C1orf198: variants seen among roughly 807,000 people sequenced by gnomAD.
C1orf198 encodes the protein chromosome 1 open reading frame 198.
In C1orf198, 17 loss-of-function variants were observed where a neutral mutation model predicts 31.4. The ratio of observed to expected loss-of-function variants is 0.54; its 90% CI spans 0.37 to 0.81. The LOEUF (loss-of-function observed/expected upper bound fraction) is 0.81. Among genes scored for constraint, C1orf198 ranks in the 40% least tolerant of loss-of-function variants. The pLI is 0.00. For synonymous variants in C1orf198, 175 were observed against 193.8 expected (o/e 0.90, Z 0.81); for missense variants, 401 against 450.3 (o/e 0.89, Z 0.99).
intron 3 of C1orf198, among the ~76,000 whole-genome samples, chr1:230,841,615 C>T (rs1669443592): frequency 6.6e-6 from 1 of 152,186 alleles, no homozygotes; most frequent in Non-Finnish European, 1.5e-5. Flanking sequence ...TCGCATGGCA[C>T]CAGCAAAGAC....
At chr1:230,849,377 G>A (rs912416749) in intron 2 of C1orf198, among the ~76,000 whole-genome samples, 1 of 152,196 alleles carries the variant, frequency 6.6e-6, no homozygotes, top group African/African-American at 2.4e-5. Flanking sequence ...CCGGGGTTTG[G>A]GGATGCAACT....
chr1:230,841,687 A>G (rs1669446795), intron 3 of C1orf198, among the ~76,000 whole-genome samples: 5 of 152,256 alleles, frequency 3.3e-5, no homozygotes, highest in Admixed American at 3.3e-4. Flanking sequence ...ATGGGAATGT[A>G]AAATGACGCA....
intron 1 of C1orf198, 44 bp from the exon 2 acceptor site, chr1:230,855,762 C>T (rs1669855211): frequency 1.4e-5 from 22 of 1,607,606 alleles, no homozygotes; most frequent in Non-Finnish European, 1.8e-5. Flanking sequence ...CAAACCCAGA[C>T]ATACCCCATG....
Position 230,839,809 on chromosome 1 carries a change from G to T in C1orf198, c.*43C>A. ...TTATCCTCCTCCACCACACCACTTT[G>T]GAAAACATTTTAGGGTTCTTCATTG... On this transcript the variant is annotated 3_prime_UTR_variant, in exon 4 of 4. Coordinates refer to ENST00000366663, the MANE Select transcript of C1orf198 (RefSeq NM_032800.3). The T allele has an allele frequency of 6.4e-7, 1 of 1,574,536 alleles. No homozygotes were observed. The highest frequency in any genetic ancestry group is 1.1e-5 in the South Asian group (1 of 87,300).
intron 3 of C1orf198, among the ~76,000 whole-genome samples, chr1:230,841,695 G>A (rs561887464): frequency 1.1e-4 from 17 of 152,184 alleles, no homozygotes; most frequent in Non-Finnish European, 2.1e-4. Context: ...GTAAAATGAC[G>A]CAGCTGCTGT....
intron 1 of C1orf198, among the ~76,000 whole-genome samples, chr1:230,862,782 A>T (rs1670029723): frequency 6.6e-6 from 1 of 152,214 alleles, no homozygotes; most frequent in Non-Finnish European, 1.5e-5. Context: ...TATTATAGTG[A>T]TGGGTACATG....
intron 2 of C1orf198, among the ~76,000 whole-genome samples, chr1:230,854,267 T>C (rs1669815946): frequency 6.6e-6 from 1 of 152,180 alleles, no homozygotes; most frequent in Non-Finnish European, 1.5e-5. Flanking sequence ...ATCTGGCTAT[T>C]ACCACTAGAT....
chr1:230,866,121 G>A (rs746166087), intron 1 of C1orf198, among the ~76,000 whole-genome samples: 2 of 152,196 alleles, frequency 1.3e-5, no homozygotes, highest in Admixed American at 6.5e-5. Context: ...GTGCCCAGGA[G>A]CTGGCCCTCC....
intron 1 of C1orf198, among the ~76,000 whole-genome samples, chr1:230,858,853 C>T (rs1669939424): frequency 6.6e-6 from 1 of 152,216 alleles, no homozygotes. Flanking sequence ...GGAACGAAGA[C>T]TTAGCCCAGA....
chr1:230,852,240 T>C (rs1305275425), intron 2 of C1orf198, among the ~76,000 whole-genome samples: 1 of 152,174 alleles, frequency 6.6e-6, no homozygotes, highest in Non-Finnish European at 1.5e-5. Flanking sequence ...GTCCACTCAC[T>C]GAGCTGTTGT....
At chr1:230,842,155 G>A (rs537880243) in intron 3 of C1orf198, among the ~76,000 whole-genome samples, 1 of 152,198 alleles carries the variant, frequency 6.6e-6, no homozygotes, top group Non-Finnish European at 1.5e-5. Context: ...AGTTAGTGTT[G>A]AACGGGTCCA....
At chr1:230,859,606 G>C (rs12078789) in intron 1 of C1orf198, among the ~76,000 whole-genome samples, 51,056 of 151,892 alleles carry the variant, frequency 0.34, 8,884 homozygotes, top group Admixed American at 0.43. Flanking sequence ...AAGCAGGGGG[G>C]AAGCTATAGA....
chr1:230,860,504 C>T (rs540190047), intron 1 of C1orf198, among the ~76,000 whole-genome samples: 1 of 152,316 alleles, frequency 6.6e-6, no homozygotes, highest in Admixed American at 6.5e-5. Context: ...GTGGTCTATC[C>T]ATCCAATGGA....
rs1336079436 is a variant in C1orf198, at chr1:230,840,456, C to T, written c.928-548G>A. Among the ~76,000 whole-genome samples the T allele has an allele frequency of 3.3e-5, 5 of 152,222 alleles. No homozygotes were observed. The highest frequency in any genetic ancestry group is 6.5e-5 in the Admixed American group (1 of 15,284). On this transcript the variant is annotated intron_variant, in intron 3 of 3. Coordinates refer to ENST00000366663, the MANE Select transcript of C1orf198 (RefSeq NM_032800.3). The surrounding 1 kb of genome is among the most constrained non-coding windows in gnomAD (Gnocchi z 4.0). Reference sequence around the variant, plus strand: ...CGGGGCTCAAGCGATCCTCTTGCCTCGGCCTCCCACGTAGCTGGGACTACA... The same window carrying T: ...CGGGGCTCAAGCGATCCTCTTGCCTTGGCCTCCCACGTAGCTGGGACTACA...
At chr1:230,841,778 G>A (rs1201408523) in intron 3 of C1orf198, among the ~76,000 whole-genome samples, 1 of 152,212 alleles carries the variant, frequency 6.6e-6, no homozygotes, top group Non-Finnish European at 1.5e-5. Context: ...CTACATCTGG[G>A]TATGCACCCA....
intron 2 of C1orf198, among the ~76,000 whole-genome samples, chr1:230,847,842 A>G (rs185105132): frequency 4.5e-3 from 684 of 152,340 alleles, no homozygotes; most frequent in Non-Finnish European, 7.1e-3. Context: ...TAAGGAAGGC[A>G]CTTAAAACTG....
rs367868834 is a variant in C1orf198, at chr1:230,855,648, C to G, written c.384+20G>C. On this transcript the variant is annotated intron_variant, in intron 2 of 3. Transcript: ENST00000366663. ...GTTCTTTTTAAAAGAACAAATAGAT[C>G]TAAATTTAATCCAACTTACCTTTGT... is the stretch of plus-strand genomic sequence containing the variant. 43 of 1,609,830 alleles carry G rather than the reference C, an allele frequency of 2.7e-5. No homozygotes were observed. The highest frequency in any genetic ancestry group is 1.0e-4 in the Admixed American group (6 of 59,518).
chr1:230,859,235 C>T (rs1669949310), intron 1 of C1orf198, among the ~76,000 whole-genome samples: 1 of 152,150 alleles, frequency 6.6e-6, no homozygotes, highest in African/African-American at 2.4e-5. Context: ...CACTCACACG[C>T]ATACAATGCT....
rs79561600 is a variant in C1orf198, at chr1:230,866,313, C to T, written c.333+1867G>A. On this transcript the variant is annotated intron_variant, in intron 1 of 3. Transcript: ENST00000366663. ...CTGTTAAAATTCAGGGTCTATCTGC[C>T]CCTCTGCTGTCTGAGCTGAGGCTGG... 2.8e-3 allele frequency among the ~76,000 whole-genome samples: 426 copies of T among 152,288 alleles called. 11 individuals are homozygous for T. The East Asian group carries it at 0.064, about 23-fold the overall frequency.
Sources: allele counts gnomAD v4.1 joint callset (sites outside exome capture counted in the v4.1 genomes callset), GRCh38; gene constraint gnomAD v4.1.1; non-coding constraint Gnocchi (gnomAD v3.1); transcripts MANE v1.5; gene names NCBI Gene and HGNC (gene_info 2026-07-23, HGNC 2026-07-21).